NUFIP1: variants seen among roughly 807,000 people sequenced by gnomAD.
NUFIP1 encodes FMR1-interacting protein NUFIP1.
NUFIP1 carries 38 observed loss-of-function variants against 56.2 expected under a neutral mutation model. The observed-to-expected ratio is 0.68, with a 90% CI of 0.52 to 0.89. The LOEUF (loss-of-function observed/expected upper bound fraction) is 0.89, where lower values mean the gene tolerates loss of function less well. Ranked by LOEUF, NUFIP1 falls within the 40% of genes least tolerant of loss-of-function variation. The pLI, the probability that NUFIP1 is intolerant of heterozygous loss-of-function variation, is 0.00. For synonymous variants in NUFIP1, 215 were observed against 212.4 expected, an observed-to-expected ratio of 1.01 and a Z score of -0.10; for missense variants, 567 against 605.8, an observed-to-expected ratio of 0.94 and a Z score of 0.67.
At chr13:44,988,393 G>C (rs1872506588) in intron 1 of NUFIP1, among the ~76,000 whole-genome samples, 1 of 152,106 alleles carries the variant, frequency 6.6e-6, no homozygotes, top group African/African-American at 2.4e-5. Flanking sequence ...GCATAGGCTG[G>C]AGTGAAGTAG....
chr13:44,986,418 G>A (rs1474692733), intron 1 of NUFIP1, among the ~76,000 whole-genome samples: 1 of 152,154 alleles, frequency 6.6e-6, no homozygotes, highest in East Asian at 1.9e-4. Context: ...GGGGCCAGGC[G>A]CAGTGGCTCA....
chr13:44,977,285 T>C (rs1042439922), intron 5 of NUFIP1, among the ~76,000 whole-genome samples: 1 of 152,244 alleles, frequency 6.6e-6, no homozygotes, highest in Admixed American at 6.5e-5. Flanking sequence ...AAATGTACTA[T>C]GGTTGTATAA....
chr13:44,949,656 C>T (rs529665580), intron 8 of NUFIP1, 66 bp downstream of exon 8: 34 of 891,370 alleles, frequency 3.8e-5, no homozygotes, highest in Non-Finnish European at 2.8e-5. Flanking sequence ...GTTATTAATG[C>T]GCAGCATGCA....
chr13:44,985,086 G>C lies in NUFIP1; in HGVS notation c.413-2932C>G, dbSNP rs1159841043. On this transcript the variant is annotated intron_variant, in intron 1 of 9. Coordinates refer to ENST00000379161, the MANE Select transcript of NUFIP1 (RefSeq NM_012345.3). ...GAATTGAATTTTCTGCAAAGTTGGA[G>C]AATGGTTTTAAATTAACACTCTTGT... 7.9e-5 allele frequency among the ~76,000 whole-genome samples: 12 copies of C among 152,298 alleles called. No homozygotes were observed. The East Asian group carries it at 1.3e-3, about 17-fold the overall frequency.
intron 5 of NUFIP1, among the ~76,000 whole-genome samples, chr13:44,968,915 T>C (rs1050388826): frequency 6.6e-6 from 1 of 152,160 alleles, no homozygotes; most frequent in South Asian, 2.1e-4. Context: ...ACATCAAAGA[T>C]GTGATGTGTA....
chr13:44,958,464 T>A (rs1390409636), intron 7 of NUFIP1, among the ~76,000 whole-genome samples: 1 of 152,184 alleles, frequency 6.6e-6, no homozygotes, highest in African/African-American at 2.4e-5. Context: ...TTAAATTTTA[T>A]CTTCTACTTA....
Position 44,951,058 on chromosome 13 carries a change from T to C in NUFIP1, c.1022-1220A>G, listed in dbSNP as rs1490248860. Among the ~76,000 whole-genome samples the C allele has an allele frequency of 5.9e-5, 9 of 152,128 alleles. 1 individual carries two copies. The highest frequency in any genetic ancestry group is 5.9e-4 in the Admixed American group (9 of 15,270). On this transcript the variant is annotated intron_variant, in intron 7 of 9. Transcript: ENST00000379161. Reference sequence around the variant, plus strand: ...CCACCTTCTGCTGGATGGAGCTAAATCCTCTCTCCTCACTACACACCATCA... The same window carrying C: ...CCACCTTCTGCTGGATGGAGCTAAACCCTCTCTCCTCACTACACACCATCA...
chr13:44,949,833 C>T lies in NUFIP1; in HGVS notation c.1027G>A (p.Asp343Asn). ...GVLINSDSES[D>N]KEEKPQHSVI... ...GAATGTTGTGGTTTCTCCTCCTTAT[C>T]AGACTCTGAAGGGAAAAGAAGTCAG... Residue 343 changes from aspartate to asparagine, a missense_variant, in exon 8 of 10, where the codon GAT (aspartate) becomes AAT (asparagine). Coordinates refer to ENST00000379161, the MANE Select transcript of NUFIP1 (RefSeq NM_012345.3). 6.2e-7 allele frequency: 1 copy of T among 1,610,378 alleles called. No individual in the cohort carries two copies. The highest frequency in any genetic ancestry group is 1.3e-5 in the African/African-American group (1 of 74,984).
intron 1 of NUFIP1, among the ~76,000 whole-genome samples, chr13:44,986,386 G>A (rs1445915700): frequency 6.6e-6 from 1 of 152,122 alleles, no homozygotes; most frequent in African/African-American, 2.4e-5. Context: ...GAAACTGCAA[G>A]AGAACTACAA....
intron 1 of NUFIP1, among the ~76,000 whole-genome samples, chr13:44,986,019 A>G (rs1872376359): frequency 1.3e-5 from 2 of 152,196 alleles, no homozygotes; most frequent in Non-Finnish European, 2.9e-5. Context: ...ATAAAGGTGC[A>G]GTCATAGCTC....
At chr13:44,968,427 T>G in intron 5 of NUFIP1, among the ~76,000 whole-genome samples, 1 of 147,936 alleles carries the variant, frequency 6.8e-6, no homozygotes. Flanking sequence ...AAAAAAGACT[T>G]GGAAGGGATT....
rs1044670225 is a variant in NUFIP1 at position 44,979,888 on chromosome 13, A to G, written c.657+2T>C. 6.3e-7 allele frequency: 1 copy of G among 1,592,348 alleles called. No homozygotes were observed. Among genetic ancestry groups the G allele is most frequent in the African/African-American group, 1.4e-5 (1 of 73,696 alleles). ...AAAATAGGATAAAAAAACAGAACTT[A>G]CATTTCTCCAATGGAACTGGACAAT... On this transcript the variant is annotated splice_donor_variant, in intron 4 of 9. Coordinates refer to ENST00000379161, the MANE Select transcript of NUFIP1 (RefSeq NM_012345.3). LOFTEE classifies it high-confidence loss of function.
At chr13:44,981,288 A>T (rs891961582) in intron 2 of NUFIP1, among the ~76,000 whole-genome samples, 1 of 152,130 alleles carries the variant, frequency 6.6e-6, no homozygotes, top group Non-Finnish European at 1.5e-5. Flanking sequence ...ATTTGTGACA[A>T]TTTGGAAAAA....
intron 1 of NUFIP1, among the ~76,000 whole-genome samples, chr13:44,984,913 T>C (rs1052182905): frequency 2.6e-5 from 4 of 152,116 alleles, no homozygotes; most frequent in South Asian, 2.1e-4. Context: ...CCTGTGTCCA[T>C]GTGTTCTCAT....
rs1870827881 is a variant in NUFIP1 at position 44,943,796 on chromosome 13, T to G, written c.1139-122A>C. 6 of 744,082 alleles carry G rather than the reference T, an allele frequency of 8.1e-6. No individual in the cohort carries two copies. In the Middle Eastern group the frequency reaches 9.5e-4, roughly 118 times the overall value. 46.1% of individuals were successfully genotyped at this position (744,082 alleles called of 1,614,324 possible). A position where few individuals can be genotyped will look rare whatever the true frequency, so the allele number is the denominator to read the frequency against. ...GCCATAATATTGTTCACTTAATAAC[T>G]TAAAACTATGAAAGATTTTTGCAAG... is the stretch of plus-strand genomic sequence containing the variant. On this transcript the variant is annotated intron_variant, in intron 8 of 9. Coordinates refer to ENST00000379161, the MANE Select transcript of NUFIP1 (RefSeq NM_012345.3).
intron 8 of NUFIP1, among the ~76,000 whole-genome samples, chr13:44,947,257 G>C (rs78839478): frequency 4.0e-5 from 1 of 24,724 alleles, no homozygotes; most frequent in African/African-American, 1.6e-4. Flanking sequence ...TTTTTTTTTT[G>C]AGATGGAGTT....
chr13:44,979,798 C>T, intron 4 of NUFIP1, 92 bp downstream of exon 4: 1 of 850,432 alleles, frequency 1.2e-6, no homozygotes, highest in Non-Finnish European at 1.8e-6. Flanking sequence ...TTAGTGTTAC[C>T]TATTATTAGG....
intron 5 of NUFIP1, among the ~76,000 whole-genome samples, chr13:44,971,267 C>T (rs765309443): frequency 4.6e-5 from 7 of 152,012 alleles, no homozygotes; most frequent in Admixed American, 2.0e-4. Context: ...CCATCTTCAC[C>T]CCATTTCCTC....
chr13:44,964,190 T>A (rs1871517299), intron 6 of NUFIP1, among the ~76,000 whole-genome samples: 1 of 152,186 alleles, frequency 6.6e-6, no homozygotes, highest in African/African-American at 2.4e-5. Flanking sequence ...AAGTTTTTTT[T>A]AAGGCAGAAC....
Sources: gnomAD v4.1 joint callset for allele counts (sites outside exome capture counted in the v4.1 genomes callset) on GRCh38, gnomAD v4.1.1 for gene constraint, MANE v1.5 for transcripts, NCBI Gene and HGNC (gene_info 2026-07-23, HGNC 2026-07-21) for gene names.